MAP3K19: variants seen among roughly 807,000 people sequenced by gnomAD.
MAP3K19 encodes the protein mitogen-activated protein kinase kinase kinase 19.
MAP3K19 carries 91 observed loss-of-function variants against 114.4 expected under a neutral mutation model. That is an observed-to-expected ratio of 0.80 (90% CI 0.67 to 0.95). The LOEUF is 0.95. Ranked by LOEUF, MAP3K19 falls within the 40% of genes least tolerant of loss-of-function variation. The probability of loss-of-function intolerance (pLI) is 0.00; values close to 1 mark genes in which losing one functional copy is unlikely to be tolerated. For missense variants in MAP3K19, 1,471 were observed against 1,573.2 expected, an observed-to-expected ratio of 0.94 and a Z score of 1.10; for synonymous variants, 518 against 530.5, an observed-to-expected ratio of 0.98 and a Z score of 0.32.
chr2:135,003,322 T>C (rs1686584199), intron 6 of MAP3K19, among the ~76,000 whole-genome samples: 1 of 152,208 alleles, frequency 6.6e-6, no homozygotes, highest in South Asian at 2.1e-4. Context: ...GTATATGAAC[T>C]TCCTAATATC....
intron 12 of MAP3K19, among the ~76,000 whole-genome samples, chr2:134,969,618 A>C (rs6716446): frequency 6.6e-6 from 1 of 151,932 alleles, no homozygotes; most frequent in Non-Finnish European, 1.5e-5. Context: ...GTCTCTTCAC[A>C]CTGTGCTTTC....
chr2:135,021,514 T>A (rs1687975889), intron 5 of MAP3K19, among the ~76,000 whole-genome samples: 1 of 152,062 alleles, frequency 6.6e-6, no homozygotes, highest in Admixed American at 6.6e-5. Flanking sequence ...ACACACATCT[T>A]ATGCATGAGT....
At chr2:135,021,208 G>T (rs1423632597) in intron 5 of MAP3K19, among the ~76,000 whole-genome samples, 1 of 152,050 alleles carries the variant, frequency 6.6e-6, no homozygotes, top group Non-Finnish European at 1.5e-5. Context: ...GCCTTTGGGA[G>T]GTAGATTATG....
rs570489003 is a variant in MAP3K19 at position 135,022,602 on chromosome 2, G to A, written c.23-772C>T. On this transcript the variant is annotated intron_variant, in intron 4 of 12. Coordinates refer to ENST00000392915, the MANE Select transcript of MAP3K19 (RefSeq NM_025052.5). ...CCCCTGAAGTTATTTCTTGGGAATT[G>A]AGGATAATTTCTGCACAATTTGGCT... Among the ~76,000 whole-genome samples the A allele has an allele frequency of 2.0e-5, 3 of 152,296 alleles. No homozygotes were observed. The South Asian group carries it at 6.2e-4, about 32-fold the overall frequency.
At chr2:135,019,753 G>A (rs1246140656) in intron 5 of MAP3K19, among the ~76,000 whole-genome samples, 1 of 152,058 alleles carries the variant, frequency 6.6e-6, no homozygotes, top group Non-Finnish European at 1.5e-5. Context: ...ACATTCAAAA[G>A]GTACAAATGA....
At position 134,986,569 on chromosome 2, in the gene MAP3K19, T is replaced by C. The variant is rs139614326; in HGVS notation, c.2303A>G (p.Gln768Arg). Reference sequence around the variant, plus strand: ...AAACTCATTTCCTGAAGACTTTATCTGCCAGTCTGGTTCTGAAATACCATC... The same window carrying C: ...AAACTCATTTCCTGAAGACTTTATCCGCCAGTCTGGTTCTGAAATACCATC... ...NGDGISEPDW[Q>R]IKSSGNEFLS... The change falls in exon 10 of 13, where the codon CAG (glutamine) becomes CGG (arginine). Residue 768 changes from glutamine (Q) to arginine (R), a missense_variant. Coordinates refer to ENST00000392915, the MANE Select transcript of MAP3K19 (RefSeq NM_025052.5). The C allele has an allele frequency of 3.7e-4, 605 of 1,614,242 alleles. No individual in the cohort carries two copies. In the African/African-American group the frequency reaches 7.3e-3, roughly 19 times the overall value.
intron 1 of MAP3K19, among the ~76,000 whole-genome samples, chr2:135,042,901 G>A (rs1432196296): frequency 6.6e-6 from 1 of 152,102 alleles, no homozygotes; most frequent in African/African-American, 2.4e-5. Context: ...GGCCAACATG[G>A]TGAAGCCTTG....
At chr2:134,997,597 G>A (rs556155595) in intron 8 of MAP3K19, among the ~76,000 whole-genome samples, 32 of 152,134 alleles carry the variant, frequency 2.1e-4, no homozygotes, top group African/African-American at 6.7e-4. Context: ...AAGGTGGGAG[G>A]ATCACGAGGT....
chr2:135,026,814 T>C (rs1688267693), intron 3 of MAP3K19, among the ~76,000 whole-genome samples: 1 of 152,210 alleles, frequency 6.6e-6, no homozygotes, highest in African/African-American at 2.4e-5. Flanking sequence ...TCAAGAATTA[T>C]TTGACATTCC....
At chr2:135,004,419 G>A (rs1249975189) in intron 6 of MAP3K19, among the ~76,000 whole-genome samples, 2 of 152,132 alleles carry the variant, frequency 1.3e-5, no homozygotes, top group Non-Finnish European at 2.9e-5. Flanking sequence ...AAAGGCAGGC[G>A]GCTGCCCAGG....
At position 134,985,934 on chromosome 2, in the gene MAP3K19, G is replaced by A. The variant is rs140544677; in HGVS notation, c.2938C>T (p.Leu980Phe). ...CAAGAGTTGTTATCTTTCTCATCAA[G>A]AGCTAATAATTCTGCAGCTAGACAA... Reference protein sequence around the residue: ...LGCLAAELLALDEKDNNSCQK... With the variant: ...LGCLAAELLAFDEKDNNSCQK... The change falls in exon 10 of 13, where the codon CTT (leucine) becomes TTT (phenylalanine). Residue 980 changes from leucine (L) to phenylalanine (F), a missense_variant. Coordinates refer to ENST00000392915, the MANE Select transcript of MAP3K19 (RefSeq NM_025052.5). 51 of 1,614,092 alleles carry A rather than the reference G, an allele frequency of 3.2e-5. No individual in the cohort carries two copies. The African/African-American group carries it at 5.6e-4, about 18-fold the overall frequency.
chr2:134,969,137 T>C (rs889365754), intron 12 of MAP3K19, among the ~76,000 whole-genome samples: 1 of 151,892 alleles, frequency 6.6e-6, no homozygotes, highest in African/African-American at 2.4e-5. Flanking sequence ...CACTCGCGGT[T>C]AGGAGCTGGA....
rs1042884447 is a variant in MAP3K19 at position 134,986,793 on chromosome 2, T to G, written c.2079A>C (p.Ser693=). ...GACATTTATTGGTGATACGTCTGCC[T>G]GATGGAGCCGAACATATCTCACGGT... ...TYYREICSAP[S]GRRITNKCRS... The change falls in exon 10 of 13, where the codon TCA becomes TCC. Residue 693 remains serine (S), a synonymous_variant. Coordinates refer to ENST00000392915, the MANE Select transcript of MAP3K19 (RefSeq NM_025052.5). 1.1e-5 allele frequency: 18 copies of G among 1,614,208 alleles called. No homozygotes were observed. The highest frequency in any genetic ancestry group is 1.5e-5 in the Non-Finnish European group (18 of 1,180,036).
intron 1 of MAP3K19, among the ~76,000 whole-genome samples, chr2:135,040,745 A>G (rs1184344632): frequency 6.6e-6 from 1 of 152,222 alleles, no homozygotes; most frequent in Non-Finnish European, 1.5e-5. Context: ...CTTTGTGTAC[A>G]TGCTGAATTA....
At position 134,987,480 on chromosome 2, in the gene MAP3K19, T is replaced by G; in HGVS notation, c.1392A>C (p.Thr464=). The G allele has an allele frequency of 6.2e-7, 1 of 1,614,218 alleles. No individual in the cohort carries two copies. Among genetic ancestry groups the G allele is most frequent in the Non-Finnish European group, 8.5e-7 (1 of 1,180,044 alleles). ...KLPEGCSSME[T]NIKISIAERA... ...TTTCTGCTATTGATATTTTTATGTT[T>G]GTCTCCATGCTGCTACAACCTTCTG... is the stretch of plus-strand genomic sequence containing the variant. Residue 464 remains threonine (T), a synonymous_variant, in exon 10 of 13, where the codon ACA becomes ACC. Coordinates refer to ENST00000392915, the MANE Select transcript of MAP3K19 (RefSeq NM_025052.5).
intron 12 of MAP3K19, among the ~76,000 whole-genome samples, chr2:134,973,738 C>T (rs1684031252): frequency 6.6e-6 from 1 of 151,962 alleles, no homozygotes; most frequent in South Asian, 2.1e-4. Flanking sequence ...ACGTTTGAGT[C>T]CTTTCTCTAC....
intron 12 of MAP3K19, among the ~76,000 whole-genome samples, chr2:134,969,312 G>C (rs1683693546): frequency 6.6e-6 from 1 of 152,186 alleles, no homozygotes; most frequent in Non-Finnish European, 1.5e-5. Flanking sequence ...GTACAGTCCA[G>C]CTTCAGCTCG....
intron 9 of MAP3K19, among the ~76,000 whole-genome samples, chr2:134,989,352 A>C (rs575165955): frequency 6.6e-6 from 1 of 152,316 alleles, no homozygotes; most frequent in East Asian, 1.9e-4. Flanking sequence ...GTAGTAATTG[A>C]GAAATGTATG....
Position 134,987,105 on chromosome 2 carries a change from C to A in MAP3K19, c.1767G>T (p.Arg589Ser). The A allele has an allele frequency of 6.2e-7, 1 of 1,613,624 alleles. No individual in the cohort carries two copies. The highest frequency in any genetic ancestry group is 8.5e-7 in the Non-Finnish European group (1 of 1,180,016). The change falls in exon 10 of 13, where the codon AGG becomes AGT. Residue 589 changes from arginine to serine, a missense_variant. By Grantham distance (110) the Arg-to-Ser change is moderately radical. Coordinates refer to ENST00000392915, the MANE Select transcript of MAP3K19 (RefSeq NM_025052.5). Reference sequence around the variant, plus strand: ...CTATCTGTGGCATTTTCTTTTGAAACCTGGGCAATTGCCAAGGCCTGGGGT... The same window carrying A: ...CTATCTGTGGCATTTTCTTTTGAAAACTGGGCAATTGCCAAGGCCTGGGGT... ...LVDPRPWQLPRFQKKMPQIAK... is the reference protein window; with the variant it reads ...LVDPRPWQLPSFQKKMPQIAK...
Sources: allele counts gnomAD v4.1 joint callset (sites outside exome capture counted in the v4.1 genomes callset), GRCh38; gene constraint gnomAD v4.1.1; transcripts MANE v1.5; gene names NCBI Gene and HGNC (gene_info 2026-07-23, HGNC 2026-07-21).